Variants in CDK14 observed in about 807,000 individuals in gnomAD.
The protein encoded by CDK14 is cyclin-dependent kinase 14.
In CDK14, 34 loss-of-function variants were observed where a neutral mutation model predicts 60.7. The ratio of observed to expected loss-of-function variants is 0.56; its 90% CI spans 0.43 to 0.75. The LOEUF is 0.75. Ranked by LOEUF, CDK14 falls within the 30% of genes least tolerant of loss-of-function variation. The probability of loss-of-function intolerance (pLI) is 0.00; values close to 1 mark genes in which losing one functional copy is unlikely to be tolerated. For missense variants in CDK14, 482 were observed against 564.1 expected (o/e 0.85, Z 1.47); for synonymous variants, 197 against 203.7 (o/e 0.97, Z 0.28).
chr7:90,782,201 T>C (rs1421702125), intron 4 of CDK14, among the ~76,000 whole-genome samples: 1 of 152,190 alleles, frequency 6.6e-6, no homozygotes, highest in Non-Finnish European at 1.5e-5. Flanking sequence ...AGTTCACTCA[T>C]GATTTGGCTC....
At position 91,025,666 on chromosome 7, in the gene CDK14, G is replaced by A. The variant is rs1200202255; in HGVS notation, c.1042-20231G>A. On this transcript the variant is annotated intron_variant, in intron 10 of 14. Transcript: ENST00000380050. ...AGTGGCTCTGTTTGGGCATTACAGT[G>A]TAGCCTGGAAATGCTACATTATTGA... Among the ~76,000 whole-genome samples the A allele has an allele frequency of 2.0e-5, 3 of 152,314 alleles. No homozygotes were observed. In the East Asian group the frequency reaches 5.8e-4, roughly 29 times the overall value.
At chr7:90,804,390 TA>T (rs1431781204) in intron 5 of CDK14, among the ~76,000 whole-genome samples, 1 of 152,210 alleles carries the variant, frequency 6.6e-6, no homozygotes, top group African/African-American at 2.4e-5. Flanking sequence ...GATGCACATT[TA>T]TTGGGTTAAA....
intron 10 of CDK14, among the ~76,000 whole-genome samples, chr7:90,991,536 T>C (rs1795533794): frequency 6.6e-6 from 1 of 152,066 alleles, no homozygotes; most frequent in Non-Finnish European, 1.5e-5. Context: ...AGATAATACT[T>C]CAGCTCAGGT....
intron 9 of CDK14, among the ~76,000 whole-genome samples, chr7:90,956,753 G>A (rs929936128): frequency 6.7e-6 from 1 of 149,726 alleles, no homozygotes; most frequent in Non-Finnish European, 1.5e-5. Flanking sequence ...TCCCAATGCT[G>A]TCCCTCCCCC....
chr7:90,844,981 A>G (rs1422149873), intron 5 of CDK14, among the ~76,000 whole-genome samples: 4 of 152,174 alleles, frequency 2.6e-5, no homozygotes, highest in Admixed American at 1.3e-4. Flanking sequence ...GTGGCAAAAT[A>G]TCTAGCGAGA....
intron 2 of CDK14, among the ~76,000 whole-genome samples, chr7:90,640,984 A>T (rs1033163700): frequency 3.3e-5 from 5 of 152,088 alleles, no homozygotes; most frequent in African/African-American, 1.2e-4. Context: ...GCCAATAAAC[A>T]TATGAAAAGG....
At chr7:90,738,162 C>T (rs1419519709) in intron 3 of CDK14, among the ~76,000 whole-genome samples, 1 of 152,154 alleles carries the variant, frequency 6.6e-6, no homozygotes, top group African/African-American at 2.4e-5. Flanking sequence ...AAATAATTCT[C>T]AATTCTGATA....
chr7:90,623,419 A>G (rs1014782372), intron 2 of CDK14, among the ~76,000 whole-genome samples: 2 of 152,116 alleles, frequency 1.3e-5, no homozygotes, highest in African/African-American at 4.8e-5. Context: ...CTCTGTATAT[A>G]TGCATCTCTT....
At chr7:90,764,921 T>C (rs542288752) in intron 4 of CDK14, among the ~76,000 whole-genome samples, 246 of 152,186 alleles carry the variant, frequency 1.6e-3, no homozygotes, top group Non-Finnish European at 2.7e-3. Context: ...CTTTGGTTAA[T>C]AGTTGAAAGA....
intron 14 of CDK14, among the ~76,000 whole-genome samples, chr7:91,149,457 TATTC>T (rs1454257701): frequency 1.3e-5 from 2 of 152,168 alleles, no homozygotes; most frequent in Non-Finnish European, 2.9e-5. Flanking sequence ...CTGCAAATGA[TATTC>T]TAATAGTTTT....
chr7:90,817,174 A>G (rs1789385849), intron 5 of CDK14, among the ~76,000 whole-genome samples: 1 of 152,230 alleles, frequency 6.6e-6, no homozygotes, highest in South Asian at 2.1e-4. Flanking sequence ...AGGAAAATTA[A>G]TAGCATATGT....
intron 12 of CDK14, among the ~76,000 whole-genome samples, chr7:91,098,567 C>T (rs1450485079): frequency 6.6e-6 from 1 of 150,824 alleles, no homozygotes; most frequent in African/African-American, 2.4e-5. Flanking sequence ...GATGAGGAAA[C>T]ATCTCTTCTA....
At chr7:90,997,168 C>T (rs1795710870) in intron 10 of CDK14, among the ~76,000 whole-genome samples, 1 of 152,212 alleles carries the variant, frequency 6.6e-6, no homozygotes, top group African/African-American at 2.4e-5. Flanking sequence ...TGTCTCTCTT[C>T]AGTGTCTGCC....
chr7:90,839,426 A>G (rs1023504), intron 5 of CDK14, among the ~76,000 whole-genome samples: 109,824 of 152,104 alleles, frequency 0.72, 39,856 homozygotes, highest in East Asian at 0.89. Context: ...CAGTGTGGTG[A>G]AATCCACAGC....
At chr7:91,013,125 T>C (rs1796208175) in intron 10 of CDK14, among the ~76,000 whole-genome samples, 1 of 152,234 alleles carries the variant, frequency 6.6e-6, no homozygotes. Flanking sequence ...ATCACTACTC[T>C]AGAAGTTCCC....
chr7:90,700,956 G>GA (rs1278451298), intron 2 of CDK14, among the ~76,000 whole-genome samples: 3 of 152,122 alleles, frequency 2.0e-5, no homozygotes, highest in Non-Finnish European at 2.9e-5. Context: ...ATAGAACACA[G>GA]AAAAAATCTT....
At chr7:90,832,884 G>A (rs765049836) in intron 5 of CDK14, among the ~76,000 whole-genome samples, 7 of 152,190 alleles carry the variant, frequency 4.6e-5, no homozygotes, top group Non-Finnish European at 7.3e-5. Context: ...GGTCAGAGGC[G>A]ATGAGAAAGT....
chr7:90,976,999 G>A (rs1795092017), intron 9 of CDK14, among the ~76,000 whole-genome samples: 1 of 152,066 alleles, frequency 6.6e-6, no homozygotes, highest in African/African-American at 2.4e-5. Context: ...TGCTTTTGAT[G>A]TCTTATTCAT....
At chr7:91,204,491 A>T (rs1802821946) in intron 14 of CDK14, among the ~76,000 whole-genome samples, 1 of 152,222 alleles carries the variant, frequency 6.6e-6, no homozygotes, top group African/African-American at 2.4e-5. Flanking sequence ...TGAAAAGGCA[A>T]CCTATGGAAT....
Sources: gnomAD v4.1 joint callset for allele counts (sites outside exome capture counted in the v4.1 genomes callset) on GRCh38, gnomAD v4.1.1 for gene constraint, MANE v1.5 for transcripts, NCBI Gene and HGNC (gene_info 2026-07-23, HGNC 2026-07-21) for gene names.